The following MYRIP variants were observed in gnomAD, a reference collection of about 807,000 sequenced individuals.
MYRIP encodes myosin VIIA and Rab interacting protein.
A neutral mutation model predicts 98.0 loss-of-function variants in MYRIP; 49 were observed. The observed-to-expected ratio is 0.50, with a 90% confidence interval of 0.40 to 0.63. MYRIP has a LOEUF of 0.63. MYRIP is among the 30% of genes least tolerant of loss of function. MYRIP has a pLI of 0.00. For missense variants in MYRIP, 1,004 were observed against 1,058.2 expected (o/e 0.95, Z 0.71); for synonymous variants, 404 against 409.5 (o/e 0.99, Z 0.16).
At chr3:39,865,383 A>T (rs555248936) in intron 1 of MYRIP, among the ~76,000 whole-genome samples, 37 of 152,318 alleles carry the variant, frequency 2.4e-4, no homozygotes, top group Middle Eastern at 6.8e-3. Context: ...AACAGAGTAA[A>T]CAGACAACCC....
chr3:40,207,012 G>A (rs1292311384), intron 10 of MYRIP, among the ~76,000 whole-genome samples: 2 of 152,170 alleles, frequency 1.3e-5, no homozygotes, highest in Non-Finnish European at 2.9e-5. Flanking sequence ...GAGATGATAA[G>A]AGAAGGTCAC....
chr3:39,916,332 A>C (rs1944159027), intron 2 of MYRIP, among the ~76,000 whole-genome samples: 1 of 151,968 alleles, frequency 6.6e-6, no homozygotes, highest in African/African-American at 2.4e-5. Context: ...ATGATACAAC[A>C]CAAATTATGG....
Position 40,234,002 on chromosome 3 carries a change from T to A in MYRIP, c.2049T>A (p.Arg683=). The A allele has an allele frequency of 6.2e-7, 1 of 1,613,404 alleles. No individual in the cohort carries two copies. The highest frequency in any genetic ancestry group is 1.1e-5 in the South Asian group (1 of 90,834). The change falls in exon 12 of 17, where the codon CGT becomes CGA. Residue 683 remains arginine (R), a synonymous_variant. Coordinates refer to ENST00000302541, the MANE Select transcript of MYRIP (RefSeq NM_015460.4). The part of the protein sequence containing the change: ...PPDRQKGMFP[R]GTDQVRLDEQ... ...ACAGACAGAAGGGGATGTTTCCTCG[T>A]GGGACAGACCAAGTGAGACTGGATG...
chr3:39,841,027 T>G (rs1276860511), intron 1 of MYRIP, among the ~76,000 whole-genome samples: 1 of 152,224 alleles, frequency 6.6e-6, no homozygotes, highest in East Asian at 1.9e-4. Flanking sequence ...GTTGGGGAAG[T>G]TCTCCTGGAT....
chr3:40,133,830 C>A (rs1949700564), intron 3 of MYRIP, among the ~76,000 whole-genome samples: 1 of 152,176 alleles, frequency 6.6e-6, no homozygotes, highest in Admixed American at 6.5e-5. Flanking sequence ...ATAAAGACAC[C>A]CATCTATAAG....
chr3:40,087,803 G>T (rs1575527973), intron 3 of MYRIP, among the ~76,000 whole-genome samples: 1 of 152,126 alleles, frequency 6.6e-6, no homozygotes, highest in South Asian at 2.1e-4. Context: ...GGTGGAGTAG[G>T]GTGTTTCCAA....
intron 3 of MYRIP, among the ~76,000 whole-genome samples, chr3:40,072,873 CATAA>C (rs1008168384): frequency 6.6e-6 from 1 of 152,064 alleles, no homozygotes; most frequent in East Asian, 1.9e-4. Flanking sequence ...GATATAGAGA[CATAA>C]ATAGAGATAC....
At chr3:39,994,897 C>T (rs1575447040) in intron 2 of MYRIP, among the ~76,000 whole-genome samples, 2 of 152,206 alleles carry the variant, frequency 1.3e-5, no homozygotes, top group East Asian at 3.9e-4. Flanking sequence ...TGCTGTTCTG[C>T]AGCCTCTGCT....
intron 1 of MYRIP, among the ~76,000 whole-genome samples, chr3:39,875,747 A>T (rs1258565339): frequency 6.7e-6 from 1 of 150,160 alleles, no homozygotes; most frequent in Admixed American, 6.6e-5. Context: ...TGCTGAGGAG[A>T]GCTTTACTTC....
At chr3:40,185,987 GTGGCTC>G (rs1334830193) in intron 9 of MYRIP, among the ~76,000 whole-genome samples, 1 of 152,182 alleles carries the variant, frequency 6.6e-6, no homozygotes, top group Non-Finnish European at 1.5e-5. Context: ...TGAAGAAGAC[GTGGCTC>G]TGCCCTCAAG....
At chr3:40,226,013 A>T (rs1011050431) in intron 11 of MYRIP, among the ~76,000 whole-genome samples, 4 of 152,180 alleles carry the variant, frequency 2.6e-5, no homozygotes, top group Non-Finnish European at 5.9e-5. Flanking sequence ...GGCTGAAAGG[A>T]GGACTGGAGG....
chr3:39,840,409 T>G (rs952991464), intron 1 of MYRIP, among the ~76,000 whole-genome samples: 3 of 152,208 alleles, frequency 2.0e-5, no homozygotes, highest in African/African-American at 7.2e-5. Flanking sequence ...CACTGATGGG[T>G]CTTGACTCTA....
chr3:40,018,837 C>T (rs1411020479), intron 2 of MYRIP, among the ~76,000 whole-genome samples: 3 of 152,158 alleles, frequency 2.0e-5, no homozygotes, highest in Non-Finnish European at 4.4e-5. Context: ...GAGAAAAATA[C>T]TGGAAAGAAA....
chr3:40,256,411 A>G (rs1953589959), intron 16 of MYRIP, among the ~76,000 whole-genome samples: 1 of 152,222 alleles, frequency 6.6e-6, no homozygotes, highest in African/African-American at 2.4e-5. Flanking sequence ...AATTTATAAT[A>G]TTAAATATTT....
chr3:40,106,663 G>A (rs1425370211), intron 3 of MYRIP, among the ~76,000 whole-genome samples: 2 of 152,020 alleles, frequency 1.3e-5, no homozygotes, highest in African/African-American at 4.8e-5. Flanking sequence ...GAGAGCTTTT[G>A]AAGTCCCCCA....
rs182158831 is a variant in MYRIP at position 40,059,902 on chromosome 3, G to T, written c.332+15631G>T. On this transcript the variant is annotated intron_variant, in intron 3 of 16. Coordinates refer to ENST00000302541, the MANE Select transcript of MYRIP (RefSeq NM_015460.4). The stretch of plus-strand genomic sequence containing the variant: ...ATATGAAAAAGTTCATTATTCACAT[G>T]ATGGGACTTTGTGAGGCAAACTGGA... Among the ~76,000 whole-genome samples the T allele has an allele frequency of 3.2e-4, 48 of 152,298 alleles. 1 individual carries two copies. Among genetic ancestry groups the T allele is most frequent in the Admixed American group, 3.1e-3 (48 of 15,278 alleles).
At chr3:39,887,662 TG>T (rs1183105437) in intron 1 of MYRIP, among the ~76,000 whole-genome samples, 1 of 152,110 alleles carries the variant, frequency 6.6e-6, no homozygotes, top group Non-Finnish European at 1.5e-5. Context: ...AACATAGTGT[TG>T]AAAGTTCTGG....
At chr3:40,252,822 G>C (rs895874905) in intron 16 of MYRIP, among the ~76,000 whole-genome samples, 1 of 152,116 alleles carries the variant, frequency 6.6e-6, no homozygotes, top group Admixed American at 6.5e-5. Context: ...AAGTTTAACT[G>C]TTAGTCTAAA....
At chr3:40,049,100 T>G (rs779062771) in intron 3 of MYRIP, among the ~76,000 whole-genome samples, 2 of 152,218 alleles carry the variant, frequency 1.3e-5, no homozygotes, top group South Asian at 2.1e-4. Context: ...ATTCCTACTT[T>G]CCTTGGAAAC....
Sources: gnomAD v4.1 joint callset for allele counts (sites outside exome capture counted in the v4.1 genomes callset) on GRCh38, gnomAD v4.1.1 for gene constraint, MANE v1.5 for transcripts, NCBI Gene and HGNC (gene_info 2026-07-23, HGNC 2026-07-21) for gene names.